SPATA17: variants seen among roughly 807,000 people sequenced by gnomAD.
The protein encoded by SPATA17 is spermatogenesis associated 17, also known as spermatogenesis-associated protein 17.
Under a neutral mutation model 62.2 loss-of-function variants are expected in SPATA17, and 53 were observed. The ratio of observed to expected loss-of-function variants is 0.85; its 90% CI spans 0.68 to 1.07. SPATA17 has a LOEUF of 1.07. SPATA17 is among the 50% of genes least tolerant of loss of function. SPATA17 has a pLI of 0.00. For synonymous variants in SPATA17, 146 were observed against 146.8 expected (o/e 0.99, Z 0.04); for missense variants, 466 against 425.5 (o/e 1.10, Z -0.84).
rs1035021316 is a variant in SPATA17 at position 217,782,514 on chromosome 1, C to T, written c.872+192C>T. Among the ~76,000 whole-genome samples, 46 of 152,038 alleles carry T rather than the reference C, an allele frequency of 3.0e-4. No individual in the cohort carries two copies. In the East Asian group the frequency reaches 3.1e-3, roughly 10 times the overall value. On this transcript the variant is annotated intron_variant, in intron 8 of 10. Coordinates refer to ENST00000366933, the MANE Select transcript of SPATA17 (RefSeq NM_138796.4). ...GAGGTCAGTATTGATGGCAAAAACT[C>T]TTTTGACAACTCAAAAGACAAAAAA...
At chr1:217,861,735 T>C (rs1432360442) in intron 9 of SPATA17, among the ~76,000 whole-genome samples, 5 of 152,202 alleles carry the variant, frequency 3.3e-5, no homozygotes, top group Admixed American at 2.6e-4. Context: ...TTAATTTGCC[T>C]TTTATCTAAG....
chr1:217,861,649 C>CCA, intron 9 of SPATA17, among the ~76,000 whole-genome samples: 1 of 152,126 alleles, frequency 6.6e-6, no homozygotes, highest in South Asian at 2.1e-4. Flanking sequence ...ATGCTCAGCC[C>CCA]CACAGGAAAA....
At chr1:217,680,199 A>G (rs985814093) in intron 4 of SPATA17, among the ~76,000 whole-genome samples, 3 of 152,324 alleles carry the variant, frequency 2.0e-5, no homozygotes, top group Non-Finnish European at 2.9e-5. Context: ...CAGTAAAAGT[A>G]TGCTGAAAGA....
At chr1:217,782,583 G>A (rs1291878420) in intron 8 of SPATA17, among the ~76,000 whole-genome samples, 1 of 152,064 alleles carries the variant, frequency 6.6e-6, no homozygotes, top group Non-Finnish European at 1.5e-5. Flanking sequence ...CTATGTATCT[G>A]TGAAGATAAT....
intron 9 of SPATA17, among the ~76,000 whole-genome samples, chr1:217,825,093 C>T (rs1374504857): frequency 6.7e-6 from 1 of 150,174 alleles, no homozygotes; most frequent in Admixed American, 6.7e-5. Context: ...AATACAAATA[C>T]ATTAAAAATT....
intron 5 of SPATA17, among the ~76,000 whole-genome samples, chr1:217,722,540 G>A (rs1385500734): frequency 2.6e-5 from 4 of 151,948 alleles, no homozygotes; most frequent in Non-Finnish European, 4.4e-5. Flanking sequence ...TACCAGACAA[G>A]CACTTTTAGA....
chr1:217,670,961 A>AG (rs1407328335), intron 4 of SPATA17, among the ~76,000 whole-genome samples: 1 of 151,448 alleles, frequency 6.6e-6, no homozygotes, highest in Admixed American at 6.6e-5. Flanking sequence ...AGGAAAAAAA[A>AG]AAAAAAAAAA....
At chr1:217,736,813 G>C (rs944879917) in intron 5 of SPATA17, among the ~76,000 whole-genome samples, 1 of 152,112 alleles carries the variant, frequency 6.6e-6, no homozygotes, top group African/African-American at 2.4e-5. Context: ...TCAGAAAATA[G>C]CAAATGGAAA....
chr1:217,773,982 A>G (rs554726232), intron 6 of SPATA17, among the ~76,000 whole-genome samples: 1 of 152,314 alleles, frequency 6.6e-6, no homozygotes, highest in African/African-American at 2.4e-5. Flanking sequence ...AGTTAAATAT[A>G]CATAGCATAC....
intron 9 of SPATA17, among the ~76,000 whole-genome samples, chr1:217,831,722 C>G (rs1296331639): frequency 6.6e-6 from 1 of 152,116 alleles, no homozygotes; most frequent in Admixed American, 6.5e-5. Context: ...CATTAGAAGA[C>G]TGGAAGCATG....
intron 8 of SPATA17, among the ~76,000 whole-genome samples, chr1:217,800,011 C>A (rs1039971383): frequency 6.6e-6 from 1 of 151,756 alleles, no homozygotes; most frequent in Non-Finnish European, 1.5e-5. Context: ...TCATTAATAC[C>A]GTATCTCCTT....
At chr1:217,791,854 C>T (rs1674001220) in intron 8 of SPATA17, among the ~76,000 whole-genome samples, 1 of 152,028 alleles carries the variant, frequency 6.6e-6, no homozygotes, top group African/African-American at 2.4e-5. Context: ...AGGCCAGAGT[C>T]ACTGGGGCCA....
At chr1:217,818,770 C>T (rs1674783646) in intron 9 of SPATA17, among the ~76,000 whole-genome samples, 1 of 151,096 alleles carries the variant, frequency 6.6e-6, no homozygotes, top group Admixed American at 6.6e-5. Flanking sequence ...TTCTTTTTTA[C>T]TGTTTTGTTT....
intron 9 of SPATA17, among the ~76,000 whole-genome samples, chr1:217,829,462 T>C (rs964360013): frequency 3.3e-5 from 5 of 151,176 alleles, no homozygotes; most frequent in African/African-American, 1.2e-4. Context: ...ACCCCGTCTC[T>C]ACTAAAAATA....
intron 5 of SPATA17, among the ~76,000 whole-genome samples, chr1:217,701,505 T>C (rs937188662): frequency 1.3e-5 from 2 of 151,842 alleles, no homozygotes; most frequent in East Asian, 3.9e-4. Context: ...CCTGCCTCAA[T>C]CTCCCAAGTT....
Position 217,824,853 on chromosome 1 carries a change from G to C in SPATA17, c.1005+23003G>C, listed in dbSNP as rs111543555. 4.0e-3 allele frequency among the ~76,000 whole-genome samples: 599 copies of C among 150,720 alleles called. 3 individuals carry two copies. The highest frequency in any genetic ancestry group is 0.014 in the African/African-American group (566 of 41,396). On this transcript the variant is annotated intron_variant, in intron 9 of 10. Transcript: ENST00000366933. Reference sequence around the variant, plus strand: ...CTGCTGTAGACTAAATTTGTACTTTGGAAAACAGATATGAAACAAATTTAA... The same window carrying C: ...CTGCTGTAGACTAAATTTGTACTTTCGAAAACAGATATGAAACAAATTTAA...
intron 6 of SPATA17, among the ~76,000 whole-genome samples, chr1:217,770,425 G>GTTAT (rs1386375150): frequency 4.6e-5 from 7 of 152,128 alleles, no homozygotes; most frequent in Non-Finnish European, 2.9e-5. Context: ...ATGAGAAATT[G>GTTAT]TTATTTCTGT....
rs187785121 is a variant in SPATA17, at chr1:217,850,661, C to T, written c.1006-12113C>T. 7.1e-6 allele frequency: 11 copies of T among 1,539,604 alleles called. No individual in the cohort carries two copies. In the Admixed American group the frequency reaches 1.5e-4, roughly 22 times the overall value. ...TGACCTGTTAGCAGATACGAGGATGCTGCGAATCGCCAGTCATGTCCAGCC... is the reference window on the plus strand; with the variant it reads ...TGACCTGTTAGCAGATACGAGGATGTTGCGAATCGCCAGTCATGTCCAGCC... On this transcript the variant is annotated intron_variant, in intron 9 of 10. Transcript: ENST00000366933.
chr1:217,782,518 T>G (rs959324325), intron 8 of SPATA17, among the ~76,000 whole-genome samples, 196 bp downstream of exon 8: 16 of 152,220 alleles, frequency 1.1e-4, no homozygotes, highest in Non-Finnish European at 1.9e-4. Context: ...AAAACTCTTT[T>G]GACAACTCAA....
Sources: gnomAD v4.1 joint callset for allele counts (sites outside exome capture counted in the v4.1 genomes callset) on GRCh38, gnomAD v4.1.1 for gene constraint, MANE v1.5 for transcripts, NCBI Gene and HGNC (gene_info 2026-07-23, HGNC 2026-07-21) for gene names.